WDFY3: variants seen among roughly 807,000 people sequenced by gnomAD.
The protein encoded by WDFY3 is WD repeat and FYVE domain-containing protein 3.
Under a neutral mutation model 409.6 loss-of-function variants are expected in WDFY3, and 66 were observed. That is an observed-to-expected ratio of 0.16 (90% CI 0.13 to 0.20). WDFY3 has a LOEUF of 0.20. WDFY3 is among the 10% of genes least tolerant of loss of function. The pLI, the probability that WDFY3 is intolerant of heterozygous loss-of-function variation, is 1.00. For synonymous variants in WDFY3, 1,521 were observed against 1,537.1 expected (o/e 0.99, Z 0.25); for missense variants, 3,031 against 4,298.1 (o/e 0.71, Z 8.24).
intron 3 of WDFY3, among the ~76,000 whole-genome samples, chr4:84,870,860 A>G (rs1762042265): frequency 6.6e-6 from 1 of 151,304 alleles, no homozygotes; most frequent in East Asian, 2.0e-4. Context: ...CCCTTCCTCC[A>G]AACTTTCACC....
At chr4:84,848,143 CT>C (rs2150090591) in intron 5 of WDFY3, among the ~76,000 whole-genome samples, 1 of 151,736 alleles carries the variant, frequency 6.6e-6, no homozygotes, top group African/African-American at 2.4e-5. Flanking sequence ...AATAACCAGA[CT>C]GAAAGAGTTC....
chr4:84,913,181 T>C (rs779643352), intron 2 of WDFY3, among the ~76,000 whole-genome samples: 4 of 152,118 alleles, frequency 2.6e-5, no homozygotes, highest in Non-Finnish European at 5.9e-5. Flanking sequence ...AATAAGGGCA[T>C]TATAAAGACC....
Position 84,692,862 on chromosome 4 carries a change from A to G in WDFY3, c.9049+23T>C, listed in dbSNP as rs201214875. 6.0e-5 allele frequency: 95 copies of G among 1,572,100 alleles called. No homozygotes were observed. In the African/African-American group the frequency reaches 1.2e-3, roughly 20 times the overall value. On this transcript the variant is annotated intron_variant, in intron 59 of 67. Coordinates refer to ENST00000295888, the MANE Select transcript of WDFY3 (RefSeq NM_014991.6). ...ACAATCCCATTAAATCATTAATCAA[A>G]AGTTTATTTCTCATTATTTTACCTT...
rs199570433 is a variant in WDFY3, at chr4:84,753,793, G to A, written c.5643C>T (p.Asn1881=). 639 of 1,612,126 alleles carry A rather than the reference G, an allele frequency of 4.0e-4. 4 individuals are homozygous for A. In the Middle Eastern group the frequency reaches 6.3e-3, roughly 16 times the overall value. Residue 1881 remains asparagine, a synonymous_variant, in exon 35 of 68, where the codon AAC becomes AAT. Coordinates refer to ENST00000295888, the MANE Select transcript of WDFY3 (RefSeq NM_014991.6). The part of the protein sequence containing the change: ...LMQFFRYLYH[N]VPDLASMWMS... ...TCCACATGGAGGCAAGGTCTGGCAC[G>A]TTGTGATACAAATATCTGAAGAACT... is the stretch of plus-strand genomic sequence containing the variant.
chr4:84,849,333 A>C (rs1037195006), intron 5 of WDFY3, among the ~76,000 whole-genome samples: 3 of 152,142 alleles, frequency 2.0e-5, no homozygotes, highest in Non-Finnish European at 4.4e-5. Context: ...GAAAAACAGT[A>C]GTTCAGAACA....
chr4:84,713,801 G>C (rs1218448571), intron 50 of WDFY3, among the ~76,000 whole-genome samples: 1 of 152,144 alleles, frequency 6.6e-6, no homozygotes, highest in Non-Finnish European at 1.5e-5. Flanking sequence ...AAGTACCAGA[G>C]ATGTGTGTTG....
intron 13 of WDFY3, among the ~76,000 whole-genome samples, chr4:84,815,007 T>C (rs1439204382): frequency 6.6e-6 from 1 of 152,106 alleles, no homozygotes; most frequent in Non-Finnish European, 1.5e-5. Flanking sequence ...GAGGTAGACA[T>C]GTTAATAAAC....
intron 44 of WDFY3, 108 bp downstream of exon 44, chr4:84,733,274 T>G: frequency 7.9e-7 from 1 of 1,262,878 alleles, no homozygotes; most frequent in Non-Finnish European, 1.1e-6. Flanking sequence ...TATGTTGAAT[T>G]TTTAAAATTA....
intron 2 of WDFY3, among the ~76,000 whole-genome samples, chr4:84,918,838 TACAC>T (rs1464316179): frequency 1.3e-5 from 2 of 149,810 alleles, no homozygotes; most frequent in African/African-American, 2.5e-5. Flanking sequence ...GATATATATA[TACAC>T]ACACACACAT....
intron 36 of WDFY3, among the ~76,000 whole-genome samples, chr4:84,745,790 T>C (rs1486111770): frequency 6.6e-6 from 1 of 152,130 alleles, no homozygotes; most frequent in African/African-American, 2.4e-5. Flanking sequence ...AGCAGGAGAC[T>C]TGTGACCAAG....
intron 37 of WDFY3, 105 bp from the exon 38 acceptor site, chr4:84,742,026 A>G (rs1170019696): frequency 2.8e-6 from 3 of 1,086,096 alleles, no homozygotes; most frequent in African/African-American, 1.6e-5. Flanking sequence ...TGTATCTACA[A>G]CAGGTAGCAA....
intron 45 of WDFY3, among the ~76,000 whole-genome samples, chr4:84,724,934 C>T (rs1203288933): frequency 6.6e-6 from 1 of 152,168 alleles, no homozygotes; most frequent in East Asian, 1.9e-4. Context: ...TGTTGAAGAG[C>T]ATCAAGCTGC....
intron 13 of WDFY3, among the ~76,000 whole-genome samples, chr4:84,812,879 C>T (rs1385330411): frequency 6.6e-6 from 1 of 152,106 alleles, no homozygotes; most frequent in Non-Finnish European, 1.5e-5. Context: ...TGTAACTTCC[C>T]ACTTACATCA....
intron 16 of WDFY3, 27 bp from the exon 17 acceptor site, chr4:84,801,891 G>T: frequency 6.2e-7 from 1 of 1,600,130 alleles, no homozygotes; most frequent in Non-Finnish European, 8.6e-7. Context: ...AATCCACACA[G>T]TCAGGTCATT....
At chr4:84,766,767 A>G (rs983638570) in intron 30 of WDFY3, among the ~76,000 whole-genome samples, 3 of 152,262 alleles carry the variant, frequency 2.0e-5, no homozygotes, top group African/African-American at 7.2e-5. Context: ...TACCAGATTT[A>G]AAAATTGAAA....
In WDFY3 at chr4:84,688,137, C is replaced by A; in HGVS notation, c.9492G>T (p.Gln3164His). 6.2e-7 allele frequency: 1 copy of A among 1,614,156 alleles called. No homozygotes were observed. The highest frequency in any genetic ancestry group is 1.1e-5 in the South Asian group (1 of 91,086). ...WDLNKLSFLT[Q>H]LRGHRAPVSA... ...AAACTGGAGCTCGATGCCCTCGAAG[C>A]TGGGTTAGAAATGACAGTTTGTTCA... Residue 3164 changes from glutamine (Q) to histidine (H), a missense_variant, in exon 62 of 68, where the codon CAG becomes CAT. By Grantham distance (24) the Gln-to-His change is conservative (BLOSUM62 0). Transcript: ENST00000295888.
chr4:84,819,995 T>A, intron 12 of WDFY3, 90 bp downstream of exon 12: 3 of 1,172,384 alleles, frequency 2.6e-6, no homozygotes, highest in Non-Finnish European at 3.5e-6. Context: ...TTCTCTAAAG[T>A]GACAGGAAGA....
At chr4:84,756,798 C>T in intron 33 of WDFY3, 128 bp downstream of exon 33, 1 of 1,138,242 alleles carries the variant, frequency 8.8e-7, no homozygotes, top group Non-Finnish European at 1.2e-6. Context: ...ATTTTTCTGT[C>T]CCAAATCAAA....
At chr4:84,960,653 T>C (rs1055001125) in intron 1 of WDFY3, among the ~76,000 whole-genome samples, 2 of 152,120 alleles carry the variant, frequency 1.3e-5, no homozygotes, top group African/African-American at 4.8e-5. Flanking sequence ...CTCTTCTTAT[T>C]TTAAAAAAAA....
Sources: gnomAD v4.1 joint callset for allele counts (sites outside exome capture counted in the v4.1 genomes callset) on GRCh38, gnomAD v4.1.1 for gene constraint, MANE v1.5 for transcripts, NCBI Gene and HGNC (gene_info 2026-07-23, HGNC 2026-07-21) for gene names.